Variants in KCNMA1 observed in about 807,000 individuals in gnomAD.
KCNMA1 encodes potassium calcium-activated channel subfamily M alpha 1.
A neutral mutation model predicts 140.0 loss-of-function variants in KCNMA1; 29 were observed. The ratio of observed to expected loss-of-function variants is 0.21; its 90% CI spans 0.15 to 0.28. The LOEUF (loss-of-function observed/expected upper bound fraction) is 0.28. Ranked by LOEUF, KCNMA1 falls within the 10% of genes least tolerant of loss-of-function variation. KCNMA1 has a pLI of 1.00. For missense variants in KCNMA1, 880 were observed against 1,602.2 expected (o/e 0.55, Z 7.70); for synonymous variants, 612 against 611.9 (o/e 1.00, Z 0.00).
intron 3 of KCNMA1, among the ~76,000 whole-genome samples, chr10:77,200,866 G>A (rs1718144754): frequency 6.6e-6 from 1 of 152,148 alleles, no homozygotes; most frequent in African/African-American, 2.4e-5. Context: ...AAAAATTACA[G>A]TGAACACTTC....
intron 24 of KCNMA1, chr10:76,914,636 C>T (rs1295926721): frequency 1.6e-5 from 6 of 371,552 alleles, no homozygotes; most frequent in African/African-American, 1.0e-4. Context: ...CTAAGCCTTT[C>T]CTCCTTTCCT....
chr10:77,550,305 CCT>C (rs1038626990), intron 1 of KCNMA1, among the ~76,000 whole-genome samples: 9 of 152,180 alleles, frequency 5.9e-5, no homozygotes, highest in African/African-American at 2.2e-4. Flanking sequence ...GTTGGGGCTG[CCT>C]CTCTCCCAGC....
chr10:77,462,316 T>C (rs1278413725), intron 1 of KCNMA1, among the ~76,000 whole-genome samples: 1 of 151,790 alleles, frequency 6.6e-6, no homozygotes, highest in East Asian at 1.9e-4. Context: ...CACAGAAACA[T>C]ATATACACTT....
At chr10:77,208,406 T>C (rs138816393) in intron 3 of KCNMA1, among the ~76,000 whole-genome samples, 105 of 152,286 alleles carry the variant, frequency 6.9e-4, no homozygotes, top group Admixed American at 1.9e-3. Context: ...GGACGATCAC[T>C]TGAGCCCAGA....
intron 2 of KCNMA1, among the ~76,000 whole-genome samples, chr10:77,383,611 T>C (rs1218337358): frequency 6.6e-6 from 1 of 152,052 alleles, no homozygotes; most frequent in Non-Finnish European, 1.5e-5. Flanking sequence ...AATAATGGAG[T>C]TTAATCTATA....
chr10:77,026,750 T>C (rs1279351708), intron 16 of KCNMA1, among the ~76,000 whole-genome samples: 2 of 152,220 alleles, frequency 1.3e-5, no homozygotes, highest in Non-Finnish European at 2.9e-5. Context: ...ACAGAAAACA[T>C]TGGATTGATC....
chr10:77,458,619 T>G (rs2097797647), intron 1 of KCNMA1, among the ~76,000 whole-genome samples: 3 of 152,174 alleles, frequency 2.0e-5, no homozygotes, highest in Admixed American at 2.0e-4. Flanking sequence ...GTGGCTTACA[T>G]GAATAGTTTA....
At chr10:77,063,746 A>G (rs2095841958) in intron 14 of KCNMA1, 1 of 985,236 alleles carries the variant, frequency 1.0e-6, no homozygotes, top group African/African-American at 1.7e-5. Context: ...AATCACTAAC[A>G]GTGGATGGCA....
downstream of KCNMA1, among the ~76,000 whole-genome samples, chr10:76,882,170 G>T (rs2034943917): frequency 6.6e-6 from 1 of 152,190 alleles, no homozygotes; most frequent in Non-Finnish European, 1.5e-5. Flanking sequence ...CTTCTCTGTT[G>T]GCTCTGTGGG....
intron 17 of KCNMA1, among the ~76,000 whole-genome samples, chr10:77,014,929 G>T (rs530235393): frequency 6.6e-6 from 1 of 152,096 alleles, no homozygotes; most frequent in Non-Finnish European, 1.5e-5. Context: ...ACGGAGTTTC[G>T]CTGGGAAAGA....
chr10:77,460,303 C>G (rs1732453648), intron 1 of KCNMA1, among the ~76,000 whole-genome samples: 1 of 152,176 alleles, frequency 6.6e-6, no homozygotes, highest in African/African-American at 2.4e-5. Flanking sequence ...TAAGACCAAG[C>G]TCAAGTAGCC....
chr10:77,169,112 A>G (rs2098675020), intron 5 of KCNMA1, among the ~76,000 whole-genome samples: 1 of 152,200 alleles, frequency 6.6e-6, no homozygotes, highest in Non-Finnish European at 1.5e-5. Context: ...CTCAGACTAT[A>G]GTGGTTTTGG....
intron 1 of KCNMA1, among the ~76,000 whole-genome samples, chr10:77,625,221 A>C (rs531763131): frequency 1.3e-5 from 2 of 152,232 alleles, no homozygotes; most frequent in Admixed American, 1.3e-4. Flanking sequence ...CTCTACTAAA[A>C]ATACAAAAAG....
chr10:77,488,768 C>A (rs892037426), intron 1 of KCNMA1, among the ~76,000 whole-genome samples: 1 of 152,030 alleles, frequency 6.6e-6, no homozygotes, highest in Non-Finnish European at 1.5e-5. Flanking sequence ...CTCTGGAAAC[C>A]AGTAGAAGTG....
chr10:77,523,841 T>C (rs923205861), intron 1 of KCNMA1, among the ~76,000 whole-genome samples: 3 of 151,994 alleles, frequency 2.0e-5, no homozygotes, highest in African/African-American at 7.3e-5. Flanking sequence ...GGTTAATGGA[T>C]ACAAAAAAAT....
At chr10:76,925,995 G>C (rs1381299332) in intron 23 of KCNMA1, among the ~76,000 whole-genome samples, 3 of 152,174 alleles carry the variant, frequency 2.0e-5, no homozygotes, top group Non-Finnish European at 4.4e-5. Flanking sequence ...GTTCCAAACA[G>C]TTGATGGTTC....
intron 1 of KCNMA1, among the ~76,000 whole-genome samples, chr10:77,598,347 C>T (rs1185187290): frequency 2.6e-5 from 4 of 152,178 alleles, no homozygotes; most frequent in African/African-American, 9.7e-5. Flanking sequence ...TTCCCTGTGG[C>T]ATCCCCAGCA....
At chr10:77,061,033 T>A (rs192031659) in intron 14 of KCNMA1, among the ~76,000 whole-genome samples, 237 of 152,324 alleles carry the variant, frequency 1.6e-3, no homozygotes, top group Non-Finnish European at 2.6e-3. Context: ...CTTGTGATAT[T>A]TACAGCAACT....
chr10:77,138,575 A>G (rs2098101836), intron 5 of KCNMA1, among the ~76,000 whole-genome samples: 1 of 152,090 alleles, frequency 6.6e-6, no homozygotes, highest in Non-Finnish European at 1.5e-5. Flanking sequence ...CCCAGGCCCC[A>G]CCAGCATTCT....
Sources: allele counts gnomAD v4.1 joint callset (sites outside exome capture counted in the v4.1 genomes callset), GRCh38; gene constraint gnomAD v4.1.1; transcripts MANE v1.5; gene names NCBI Gene and HGNC (gene_info 2026-07-23, HGNC 2026-07-21).